AFF3: variants seen among roughly 807,000 people sequenced by gnomAD.
The protein encoded by AFF3 is ALF transcription elongation factor 3.
Under a neutral mutation model 129.7 loss-of-function variants are expected in AFF3, and 32 were observed. The ratio of observed to expected loss-of-function variants is 0.25; its 90% CI spans 0.19 to 0.33. The LOEUF (loss-of-function observed/expected upper bound fraction) is 0.33. AFF3 is among the 10% of genes least tolerant of loss of function. The pLI is 1.00. For synonymous variants in AFF3, 644 were observed against 635.4 expected (o/e 1.01, Z -0.20); for missense variants, 1,373 against 1,592.0 (o/e 0.86, Z 2.34).
intron 13 of AFF3, among the ~76,000 whole-genome samples, chr2:99,640,049 G>A (rs370322455): frequency 2.3e-4 from 35 of 152,244 alleles, no homozygotes; most frequent in East Asian, 1.5e-3. Context: ...TAGCCTCCTC[G>A]GAGGCATGCA....
chr2:99,546,951 C>T lies in AFF3; in HGVS notation c.*4523G>A, dbSNP rs1246364986. Reference sequence around the variant, plus strand: ...GACACTGGGAGCGTGCATGTGCATACGTGCATGCATGTGCGCGCGTGTGTG... The same window carrying T: ...GACACTGGGAGCGTGCATGTGCATATGTGCATGCATGTGCGCGCGTGTGTG... On this transcript the variant is annotated 3_prime_UTR_variant, in exon 25 of 25. Transcript: ENST00000672756. 4 of 221,430 alleles carry T rather than the reference C, an allele frequency of 1.8e-5. No homozygotes were observed. Among genetic ancestry groups the T allele is most frequent in the East Asian group, 6.6e-5 (1 of 15,266 alleles). The allele number at this position is 221,430 out of a possible 1,614,324, so 13.7% of individuals were successfully genotyped here.
At chr2:99,906,602 T>C (rs1576322999) in intron 7 of AFF3, among the ~76,000 whole-genome samples, 1 of 152,080 alleles carries the variant, frequency 6.6e-6, no homozygotes, top group South Asian at 2.1e-4. Context: ...AGGAAGAGCA[T>C]CCCAGACAAC....
At chr2:99,989,374 T>C (rs761317255) in intron 7 of AFF3, among the ~76,000 whole-genome samples, 40 of 152,336 alleles carry the variant, frequency 2.6e-4, no homozygotes, top group Non-Finnish European at 4.7e-4. Flanking sequence ...CATTTCAACA[T>C]ATAAAATACA....
intron 7 of AFF3, among the ~76,000 whole-genome samples, chr2:99,892,126 C>T (rs1011222259): frequency 3.3e-5 from 5 of 151,762 alleles, no homozygotes; most frequent in Non-Finnish European, 5.9e-5. Context: ...CCGGCCAAAG[C>T]CCACCAGCTT....
chr2:99,860,842 G>A (rs867235688), intron 7 of AFF3, among the ~76,000 whole-genome samples: 9 of 152,224 alleles, frequency 5.9e-5, no homozygotes, highest in Middle Eastern at 3.4e-3. Flanking sequence ...TAAAATTAAC[G>A]TGTCTGTCAC....
chr2:99,601,569 T>TGCC lies in AFF3; in HGVS notation c.1234_1236dup (p.Gly412dup). On this transcript the variant is annotated inframe_insertion, in exon 14 of 25. Transcript: ENST00000672756. ...CTGCCGCTGCTGCTGCTGCTGCTGC[T>TGCC]GCCCTTGCTGGAAGGCACCGAGGTT... 6.3e-7 allele frequency: 1 copy of TGCC among 1,599,586 alleles called. No homozygotes were observed. Among genetic ancestry groups the TGCC allele is most frequent in the Non-Finnish European group, 8.5e-7 (1 of 1,175,880 alleles).
chr2:99,892,033 A>G (rs1169721553), intron 7 of AFF3, among the ~76,000 whole-genome samples: 6 of 152,128 alleles, frequency 3.9e-5, no homozygotes, highest in African/African-American at 1.2e-4. Context: ...CGTATTAGCC[A>G]GGATGGTCTC....
At chr2:99,620,134 C>T (rs1229766865) in intron 13 of AFF3, among the ~76,000 whole-genome samples, 2 of 152,154 alleles carry the variant, frequency 1.3e-5, no homozygotes, top group African/African-American at 4.8e-5. Context: ...GACCAACAGG[C>T]TGGCTTGGTG....
intron 12 of AFF3, among the ~76,000 whole-genome samples, chr2:99,662,085 G>C (rs1211682340): frequency 6.6e-6 from 1 of 151,894 alleles, no homozygotes; most frequent in Admixed American, 6.6e-5. Flanking sequence ...GGTTGCAGTG[G>C]GCCAAGATCG....
intron 7 of AFF3, among the ~76,000 whole-genome samples, chr2:99,889,884 T>C (rs2106072175): frequency 6.6e-6 from 1 of 152,272 alleles, no homozygotes; most frequent in East Asian, 1.9e-4. Flanking sequence ...GGTCTCGAAC[T>C]CCCGACCTCA....
At chr2:99,589,276 G>T (rs1678419462) in intron 15 of AFF3, among the ~76,000 whole-genome samples, 2 of 152,156 alleles carry the variant, frequency 1.3e-5, no homozygotes, top group East Asian at 3.8e-4. Context: ...GGAAGACAGG[G>T]TGTGTAGAGA....
intron 4 of AFF3, among the ~76,000 whole-genome samples, chr2:100,037,411 T>C (rs1017491016): frequency 7.3e-6 from 1 of 136,444 alleles, no homozygotes; most frequent in African/African-American, 2.7e-5. Flanking sequence ...CATATATATT[T>C]ATTTATTTAT....
chr2:99,944,276 C>G (rs1444404221), intron 7 of AFF3, among the ~76,000 whole-genome samples: 2 of 152,210 alleles, frequency 1.3e-5, no homozygotes, highest in African/African-American at 4.8e-5. Flanking sequence ...CTTCTGTCTT[C>G]CATAAGCTCT....
intron 1 of AFF3, among the ~76,000 whole-genome samples, chr2:100,134,974 T>C (rs909167409): frequency 6.6e-6 from 1 of 152,190 alleles, no homozygotes; most frequent in Non-Finnish European, 1.5e-5. Context: ...ATGGTGGCAT[T>C]GGGCAGAGAC....
At chr2:99,864,798 A>G (rs1691255908) in intron 7 of AFF3, among the ~76,000 whole-genome samples, 2 of 152,244 alleles carry the variant, frequency 1.3e-5, no homozygotes, top group Admixed American at 1.3e-4. Flanking sequence ...CAATGTGTTC[A>G]CTGGGCATAA....
intron 13 of AFF3, among the ~76,000 whole-genome samples, chr2:99,613,197 C>T (rs1238517250): frequency 1.3e-5 from 2 of 152,088 alleles, no homozygotes; most frequent in African/African-American, 4.8e-5. Context: ...ACATATTTTA[C>T]ATTTTGGGGG....
intron 13 of AFF3, among the ~76,000 whole-genome samples, chr2:99,612,324 T>C (rs1681015399): frequency 6.6e-6 from 1 of 152,234 alleles, no homozygotes; most frequent in Non-Finnish European, 1.5e-5. Flanking sequence ...CAAAAGTCTC[T>C]GCTATAGTTC....
At chr2:100,140,244 G>C (rs79171596) in intron 1 of AFF3, among the ~76,000 whole-genome samples, 3,302 of 152,208 alleles carry the variant, frequency 0.022, 122 homozygotes, top group African/African-American at 0.075. Context: ...TTTATGGAAG[G>C]GTCCATAGCT....
At chr2:100,008,668 T>G (rs1682210659) in intron 5 of AFF3, 144 bp downstream of exon 5, 1 of 1,014,998 alleles carries the variant, frequency 9.9e-7, no homozygotes, top group Admixed American at 3.0e-5. Flanking sequence ...GACCCCGTAC[T>G]TGGTGGCTGA....
Sources: gnomAD v4.1 joint callset for allele counts (sites outside exome capture counted in the v4.1 genomes callset) on GRCh38, gnomAD v4.1.1 for gene constraint, MANE v1.5 for transcripts, NCBI Gene and HGNC (gene_info 2026-07-23, HGNC 2026-07-21) for gene names.